Variants in CCNB3 observed in about 807,000 individuals in gnomAD.
The protein encoded by CCNB3 is cyclin B3.
CCNB3 carries 12 observed loss-of-function variants against 68.0 expected under a neutral mutation model. The ratio of observed to expected loss-of-function variants is 0.18; its 90% CI spans 0.11 to 0.29. The LOEUF is 0.29. Ranked by LOEUF, CCNB3 falls within the 10% of genes least tolerant of loss-of-function variation. The pLI is 1.00. For missense variants in CCNB3, 904 were observed against 993.1 expected (o/e 0.91, Z 1.21); for synonymous variants, 354 against 388.9 (o/e 0.91, Z 1.06).
At position 50,311,086 on chromosome X, in the gene CCNB3, A is replaced by G; in HGVS notation, c.2917A>G (p.Thr973Ala). 8.3e-7 allele frequency: 1 copy of G among 1,210,553 alleles called. No homozygotes were observed. Among genetic ancestry groups the G allele is most frequent in the Non-Finnish European group, 1.1e-6 (1 of 895,255 alleles). Residue 973 changes from threonine (T) to alanine (A), a missense_variant, in exon 6 of 13, where the codon ACC (threonine) becomes GCC (alanine). Transcript: ENST00000376042. Reference protein sequence around the residue: ...LKTLLVPQVGTSPNVSSTAPE... With the variant: ...LKTLLVPQVGASPNVSSTAPE... Reference sequence around the variant, plus strand: ...AACATTGTTGGTCCCCCAAGTTGGAACCAGCCCAAATGTGTCTAGCACTGC... The same window carrying G: ...AACATTGTTGGTCCCCCAAGTTGGAGCCAGCCCAAATGTGTCTAGCACTGC...
chrX:50,211,391 C>T (rs1935481158), intron 1 of CCNB3, among the ~76,000 whole-genome samples: 2 of 111,750 alleles, frequency 1.8e-5, no homozygotes, highest in East Asian at 2.8e-4. Flanking sequence ...CAGCCGGGTG[C>T]GGTGGCTCAC....
intron 1 of CCNB3, among the ~76,000 whole-genome samples, chrX:50,218,362 A>AT (rs1225695140): frequency 9.0e-6 from 1 of 111,396 alleles, no homozygotes; most frequent in Non-Finnish European, 1.9e-5. Context: ...TACATGTGCC[A>AT]TGGTGGTTTG....
At chrX:50,281,971 T>C (rs755752819) in intron 1 of CCNB3, among the ~76,000 whole-genome samples, 2 of 111,323 alleles carry the variant, frequency 1.8e-5, no homozygotes, top group Non-Finnish European at 3.8e-5. Flanking sequence ...CACCCTCTGC[T>C]ACGCTTAGAA....
At chrX:50,339,813 A>C (rs1923034648) in intron 8 of CCNB3, among the ~76,000 whole-genome samples, 1 of 110,964 alleles carries the variant, frequency 9.0e-6, no homozygotes, top group Admixed American at 9.6e-5. Flanking sequence ...AAGGTGCCAC[A>C]CACTTTTAGA....
intron 5 of CCNB3, among the ~76,000 whole-genome samples, chrX:50,300,831 T>C (rs1936613130): frequency 9.0e-6 from 1 of 111,601 alleles, no homozygotes; most frequent in Admixed American, 9.6e-5. Flanking sequence ...CTTTGTTCAT[T>C]TCTTTGTATT....
In CCNB3 at chrX:50,311,056, C is replaced by A; in HGVS notation, c.2887C>A (p.Leu963Ile). The stretch of plus-strand genomic sequence containing the variant: ...TCCCACCTACAAGGAAGACACCTTT[C>A]TCAAAACATTGTTGGTCCCCCAAGT... Reference protein sequence around the residue: ...ESPTYKEDTFLKTLLVPQVGT... With the variant: ...ESPTYKEDTFIKTLLVPQVGT... The change falls in exon 6 of 13, where the codon CTC (leucine) becomes ATC (isoleucine). Residue 963 changes from leucine (L) to isoleucine (I), a missense_variant. Leu to Ile is a conservative substitution (Grantham distance 5). Coordinates refer to ENST00000376042, the MANE Select transcript of CCNB3 (RefSeq NM_033031.3). The A allele has an allele frequency of 1.7e-6, 2 of 1,208,826 alleles. No homozygotes were observed. The highest frequency in any genetic ancestry group is 2.2e-6 in the Non-Finnish European group (2 of 894,866).
chrX:50,325,746 A>G (rs1380151108), intron 8 of CCNB3, among the ~76,000 whole-genome samples: 2 of 111,599 alleles, frequency 1.8e-5, no homozygotes, highest in South Asian at 7.4e-4. Context: ...ACATTTGTTC[A>G]CTGTGTATAT....
At chrX:50,227,729 T>C (rs1248494205) in intron 1 of CCNB3, among the ~76,000 whole-genome samples, 1 of 4,467 alleles carries the variant, frequency 2.2e-4, no homozygotes, top group Non-Finnish European at 4.1e-4. Flanking sequence ...TATAGAGAGA[T>C]AATATATATA....
chrX:50,350,754 G>A (rs1030695612), intron 11 of CCNB3, among the ~76,000 whole-genome samples: 35 of 108,958 alleles, frequency 3.2e-4, no homozygotes, highest in Non-Finnish European at 5.9e-4. Flanking sequence ...GGAGTGCAGT[G>A]GTGCGATCAT....
intron 5 of CCNB3, among the ~76,000 whole-genome samples, chrX:50,297,974 T>TTA (rs1936518453): frequency 8.9e-6 from 1 of 112,058 alleles, no homozygotes; most frequent in African/African-American, 3.2e-5. Context: ...TTTTTGCACA[T>TTA]GGATTTTGTA....
chrX:50,279,303 T>C (rs1232215807), intron 1 of CCNB3, among the ~76,000 whole-genome samples: 2 of 72,054 alleles, frequency 2.8e-5, no homozygotes, highest in African/African-American at 6.2e-5. Context: ...TATATATGAA[T>C]ATTTATATTT....
chrX:50,227,974 G>GAGAGAATATATATAAATATATAT (rs1935939646), intron 1 of CCNB3, among the ~76,000 whole-genome samples: 2 of 83,196 alleles, frequency 2.4e-5, no homozygotes, highest in Non-Finnish European at 4.4e-5. Flanking sequence ...TAAATATATA[G>GAGAGAATATATATAAATATATAT]AGAGAATATA....
chrX:50,288,904 A>G lies in CCNB3; in HGVS notation c.204+17A>G, dbSNP rs782706642. 9.4e-7 allele frequency: 1 copy of G among 1,061,747 alleles called. No homozygotes were observed. Among genetic ancestry groups the G allele is most frequent in the South Asian group, 2.0e-5 (1 of 50,404 alleles). The allele number at this position is 1,061,747 out of a possible 1,213,427, so 87.5% of individuals were successfully genotyped here. The stretch of plus-strand genomic sequence containing the variant: ...CTCACTAATGTGAGTATGCTAGTCC[A>G]ATCCTTTGCTATGGTTTTGCATAAG... On this transcript the variant is annotated intron_variant, in intron 4 of 12. Coordinates refer to ENST00000376042, the MANE Select transcript of CCNB3 (RefSeq NM_033031.3).
At chrX:50,213,707 A>T (rs1205931260) in intron 1 of CCNB3, among the ~76,000 whole-genome samples, 1 of 111,644 alleles carries the variant, frequency 9.0e-6, no homozygotes, top group Admixed American at 9.6e-5. Flanking sequence ...TATTCAAATG[A>T]TGTATTTCCT....
intron 1 of CCNB3, among the ~76,000 whole-genome samples, chrX:50,280,017 A>G (rs1936088719): frequency 1.2e-5 from 1 of 85,727 alleles, no homozygotes; most frequent in Non-Finnish European, 2.1e-5. Context: ...ATATAAATAT[A>G]TAGAATATAT....
At chrX:50,304,238 A>G (rs1377975437) in intron 5 of CCNB3, among the ~76,000 whole-genome samples, 2 of 111,409 alleles carry the variant, frequency 1.8e-5, no homozygotes, top group African/African-American at 3.3e-5. Context: ...TTGCAGCTTC[A>G]TGTTGTGTTT....
At chrX:50,210,383 T>A (rs1935463767) in intron 1 of CCNB3, among the ~76,000 whole-genome samples, 1 of 111,978 alleles carries the variant, frequency 8.9e-6, no homozygotes, top group Non-Finnish European at 1.9e-5. Flanking sequence ...TTTGGAAAAA[T>A]CACAACTTTT....
rs1442173026 is a variant in CCNB3 at position 50,308,935 on chromosome X, A to G, written c.766A>G (p.Met256Val). The stretch of plus-strand genomic sequence containing the variant: ...GTCGTTGGCTGTGCAGGATGTCAAT[A>G]TGGAAGAGGATTCCTTCTTTATGGA... The part of the protein sequence containing the change: ...EESLAVQDVN[M>V]EEDSFFMESM... The change falls in exon 6 of 13, where the codon ATG becomes GTG. Residue 256 changes from methionine to valine, a missense_variant. This residue lies in a region of CCNB3 where 619 missense variants were observed against 609.8 expected (regional missense o/e 1.02). Coordinates refer to ENST00000376042, the MANE Select transcript of CCNB3 (RefSeq NM_033031.3). 3.3e-6 allele frequency: 4 copies of G among 1,209,820 alleles called. No homozygotes were observed. The African/African-American group carries it at 7.0e-5, about 21-fold the overall frequency.
chrX:50,211,119 CG>C (rs1377812384), intron 1 of CCNB3, among the ~76,000 whole-genome samples: 1 of 110,069 alleles, frequency 9.1e-6, no homozygotes, highest in African/African-American at 3.3e-5. Flanking sequence ...AAAAATTAGC[CG>C]GGCATGGTGG....
Sources: gnomAD v4.1 joint callset for allele counts (sites outside exome capture counted in the v4.1 genomes callset) on GRCh38, gnomAD v4.1.1 for gene constraint, gnomAD v4.1.1 regional missense constraint, MANE v1.5 for transcripts, NCBI Gene and HGNC (gene_info 2026-07-23, HGNC 2026-07-21) for gene names.